The following TNKS variants were observed in gnomAD, a reference collection of about 807,000 sequenced individuals.
TNKS encodes tankyrase.
A neutral mutation model predicts 135.8 loss-of-function variants in TNKS; 72 were observed. The ratio of observed to expected loss-of-function variants is 0.53; its 90% CI spans 0.44 to 0.64. The LOEUF is 0.64. TNKS is among the 30% of genes least tolerant of loss of function. The pLI is 0.00. For missense variants in TNKS, 1,769 were observed against 1,674.0 expected, an observed-to-expected ratio of 1.06 and a Z score of -0.99; for synonymous variants, 849 against 649.3, an observed-to-expected ratio of 1.31 and a Z score of -4.68.
chr8:9,766,172 A>G lies in TNKS; in HGVS notation c.3554-67A>G, dbSNP rs954574143. On this transcript the variant is annotated intron_variant, in intron 24 of 26. Coordinates refer to ENST00000310430, the MANE Select transcript of TNKS (RefSeq NM_003747.3). ...TAATATTAACCTGCCCGATGCAAATAGTGTGCAGGTAATTGAGCTTCTAGA... is the reference window on the plus strand; with the variant it reads ...TAATATTAACCTGCCCGATGCAAATGGTGTGCAGGTAATTGAGCTTCTAGA... 40 of 1,337,966 alleles carry G rather than the reference A, an allele frequency of 3.0e-5. No homozygotes were observed. The East Asian group carries it at 9.0e-4, about 30-fold the overall frequency. The allele number at this position is 1,337,966 out of a possible 1,614,324, so 82.9% of individuals were successfully genotyped here. A position where few individuals can be genotyped will look rare whatever the true frequency, so the allele number is the denominator to read the frequency against.
intron 12 of TNKS, among the ~76,000 whole-genome samples, chr8:9,721,298 T>TATATATATATATATATA (rs1554477764): frequency 8.5e-6 from 1 of 118,152 alleles, no homozygotes; most frequent in Admixed American, 1.1e-4. Flanking sequence ...AATAAATAAA[T>TATATATATATATATATA]TATATATATA....
chr8:9,688,157 AAT>A (rs1803098284), intron 5 of TNKS, among the ~76,000 whole-genome samples: 1 of 152,242 alleles, frequency 6.6e-6, no homozygotes, highest in South Asian at 2.1e-4. Flanking sequence ...GATATTTTAA[AAT>A]ATCTCTGTAA....
At chr8:9,647,461 G>A (rs934045581) in intron 3 of TNKS, among the ~76,000 whole-genome samples, 2 of 152,074 alleles carry the variant, frequency 1.3e-5, no homozygotes, top group Non-Finnish European at 2.9e-5. Context: ...TGCCACTGTT[G>A]AGCAAAAATA....
rs928912091 is a variant in TNKS at position 9,779,761 on chromosome 8, C to G, written c.*3025C>G. ...GGCCTCATGCGCTTTGCTCAGAACA[C>G]TGCCGCTTTGTTAACAAATGACAGC... On this transcript the variant is annotated 3_prime_UTR_variant, in exon 27 of 27. Coordinates refer to ENST00000310430, the MANE Select transcript of TNKS (RefSeq NM_003747.3). 6.6e-6 allele frequency: 1 copy of G among 152,208 alleles called. No homozygotes were observed. The highest frequency in any genetic ancestry group is 1.5e-5 in the Non-Finnish European group (1 of 68,042). The allele number at this position is 152,208 out of a possible 1,614,324, so 9.4% of individuals were successfully genotyped here.
intron 24 of TNKS, among the ~76,000 whole-genome samples, 194 bp from the exon 25 acceptor site, chr8:9,766,045 G>C (rs1235633398): frequency 6.6e-6 from 1 of 152,098 alleles, no homozygotes; most frequent in East Asian, 1.9e-4. Flanking sequence ...TGCAAATTGA[G>C]CCACCTAGTG....
intron 25 of TNKS, among the ~76,000 whole-genome samples, chr8:9,769,647 T>C (rs1807692843): frequency 7.9e-6 from 1 of 127,254 alleles, no homozygotes; most frequent in Non-Finnish European, 1.6e-5. Flanking sequence ...TGAGACGGAG[T>C]CTCGCTCTGT....
chr8:9,676,203 G>C (rs1398750017), intron 3 of TNKS, among the ~76,000 whole-genome samples: 1 of 151,558 alleles, frequency 6.6e-6, no homozygotes, highest in African/African-American at 2.4e-5. Context: ...AGTAGAGATG[G>C]GGTTTCACCA....
chr8:9,635,175 A>G, intron 3 of TNKS, among the ~76,000 whole-genome samples: 1 of 143,142 alleles, frequency 7.0e-6, no homozygotes, highest in African/African-American at 2.7e-5. Context: ...GTCTCGGGGA[A>G]AAAAAAAAAA....
In TNKS at chr8:9,674,336, T is replaced by C. The variant is rs577088601; in HGVS notation, c.995-5615T>C. Among the ~76,000 whole-genome samples, 14 of 152,304 alleles carry C rather than the reference T, an allele frequency of 9.2e-5. No homozygotes were observed. The East Asian group carries it at 2.7e-3, about 29-fold the overall frequency. ...GAGCTAGAACTCATTCTAGATCTGT[T>C]ATTCAGTCCAGCATTTTTTATTTCA... On this transcript the variant is annotated intron_variant, in intron 3 of 26. Transcript: ENST00000310430.
intron 2 of TNKS, among the ~76,000 whole-genome samples, chr8:9,613,091 A>C (rs1799521137): frequency 6.6e-6 from 1 of 152,162 alleles, no homozygotes; most frequent in South Asian, 2.1e-4. Flanking sequence ...CTTTTACTGA[A>C]AAAAATCTGC....
intron 1 of TNKS, among the ~76,000 whole-genome samples, chr8:9,563,267 T>C (rs1312380312): frequency 6.6e-6 from 1 of 152,144 alleles, no homozygotes; most frequent in East Asian, 1.9e-4. Flanking sequence ...TCACTTTCTT[T>C]TGAATCCTAT....
intron 3 of TNKS, among the ~76,000 whole-genome samples, chr8:9,646,037 T>C (rs1165122776): frequency 6.6e-6 from 1 of 152,166 alleles, no homozygotes; most frequent in African/African-American, 2.4e-5. Context: ...AGTTCTAGAC[T>C]AGTAGTATAT....
rs145296146 is a variant in TNKS, at chr8:9,559,646, G to T, written c.673+3034G>T. 4.2e-4 allele frequency among the ~76,000 whole-genome samples: 64 copies of T among 152,130 alleles called. No homozygotes were observed. The East Asian group carries it at 7.3e-3, about 17-fold the overall frequency. ...AAGCCCCAGTGTGTATTCTTCCCTT[G>T]TCTGTGTCCATGTGTACTCAAGGTT... On this transcript the variant is annotated intron_variant, in intron 1 of 26. Coordinates refer to ENST00000310430, the MANE Select transcript of TNKS (RefSeq NM_003747.3).
intron 3 of TNKS, among the ~76,000 whole-genome samples, chr8:9,660,147 C>G (rs1202243962): frequency 6.6e-6 from 1 of 152,224 alleles, no homozygotes; most frequent in East Asian, 1.9e-4. Context: ...CAGCCGAATT[C>G]TACCAGAGGT....
intron 7 of TNKS, 68 bp downstream of exon 7, chr8:9,706,321 C>A (rs1804043860): frequency 8.9e-6 from 11 of 1,231,304 alleles, no homozygotes; most frequent in South Asian, 1.6e-5. Context: ...TCATGACTTT[C>A]CATACTTTCG....
chr8:9,669,716 T>C (rs926545756), intron 3 of TNKS, among the ~76,000 whole-genome samples: 3 of 152,194 alleles, frequency 2.0e-5, no homozygotes, highest in Non-Finnish European at 4.4e-5. Context: ...AGAGAAATGC[T>C]CATTAATTTG....
intron 1 of TNKS, among the ~76,000 whole-genome samples, chr8:9,559,008 G>A (rs901289808): frequency 1.2e-4 from 18 of 152,124 alleles, no homozygotes; most frequent in Admixed American, 7.9e-4. Flanking sequence ...TGAGAAATTG[G>A]TACAATCCCT....
chr8:9,579,750 C>T (rs1798098004), intron 1 of TNKS, among the ~76,000 whole-genome samples: 1 of 152,242 alleles, frequency 6.6e-6, no homozygotes, highest in Non-Finnish European at 1.5e-5. Flanking sequence ...AGGGTGTGAG[C>T]CACTGCGCCC....
chr8:9,568,248 T>G (rs982376498), intron 1 of TNKS, among the ~76,000 whole-genome samples: 1 of 152,192 alleles, frequency 6.6e-6, no homozygotes, highest in African/African-American at 2.4e-5. Flanking sequence ...TCCCCCTTGG[T>G]TTGTTTCTCA....
Sources: gnomAD v4.1 joint callset for allele counts (sites outside exome capture counted in the v4.1 genomes callset) on GRCh38, gnomAD v4.1.1 for gene constraint, MANE v1.5 for transcripts, NCBI Gene and HGNC (gene_info 2026-07-23, HGNC 2026-07-21) for gene names.